The following WASF3 variants were observed in gnomAD, a reference collection of about 807,000 sequenced individuals.
The protein encoded by WASF3 is WASP family member 3.
In WASF3, 11 loss-of-function variants were observed where a neutral mutation model predicts 46.6. The observed-to-expected ratio is 0.24, with a 90% confidence interval of 0.15 to 0.39. The LOEUF is 0.39. Among genes scored for constraint, WASF3 ranks in the 10% least tolerant of loss-of-function variants. WASF3 has a pLI of 1.00. For missense variants in WASF3, 576 were observed against 669.8 expected, an observed-to-expected ratio of 0.86 and a Z score of 1.55; for synonymous variants, 242 against 259.7, an observed-to-expected ratio of 0.93 and a Z score of 0.65.
chr13:26,675,884 G>T (rs1037403340), intron 6 of WASF3, among the ~76,000 whole-genome samples: 2 of 152,122 alleles, frequency 1.3e-5, no homozygotes, highest in Non-Finnish European at 2.9e-5. Flanking sequence ...ATAAAATTTT[G>T]TATAGGAGGC....
intron 1 of WASF3, among the ~76,000 whole-genome samples, chr13:26,600,222 A>G (rs1880604110): frequency 6.6e-6 from 1 of 152,176 alleles, no homozygotes; most frequent in Non-Finnish European, 1.5e-5. Flanking sequence ...TTACAGCAAG[A>G]TTATATTTCA....
intron 1 of WASF3, among the ~76,000 whole-genome samples, chr13:26,601,860 A>G (rs980610150): frequency 6.6e-6 from 1 of 152,246 alleles, no homozygotes. Context: ...TGTCATCTGC[A>G]TACACAAATG....
chr13:26,684,052 G>A (rs1359072136), intron 9 of WASF3, among the ~76,000 whole-genome samples: 1 of 152,232 alleles, frequency 6.6e-6, no homozygotes, highest in East Asian at 1.9e-4. Context: ...CATCAGGGAT[G>A]TCCTTCAGAG....
intron 2 of WASF3, among the ~76,000 whole-genome samples, chr13:26,615,211 A>G (rs1249731483): frequency 6.6e-6 from 1 of 151,966 alleles, no homozygotes; most frequent in South Asian, 2.1e-4. Flanking sequence ...CTTGACCTTC[A>G]TGTTAGAATG....
chr13:26,649,570 AGCC>A (rs2137428415), intron 3 of WASF3, among the ~76,000 whole-genome samples: 1 of 152,318 alleles, frequency 6.6e-6, no homozygotes, highest in African/African-American at 2.4e-5. Flanking sequence ...TGGAACAGAA[AGCC>A]TTGTGGGAAC....
intron 4 of WASF3, among the ~76,000 whole-genome samples, chr13:26,666,364 A>AT (rs1314503871): frequency 2.0e-5 from 3 of 152,146 alleles, no homozygotes; most frequent in Non-Finnish European, 4.4e-5. Flanking sequence ...ATTTTATGAG[A>AT]TTTTATAGTA....
At chr13:26,600,519 G>A (rs1051789105) in intron 1 of WASF3, among the ~76,000 whole-genome samples, 1 of 152,068 alleles carries the variant, frequency 6.6e-6, no homozygotes, top group Admixed American at 6.5e-5. Flanking sequence ...TTCCTTTCTG[G>A]TTGCTCTCAT....
intron 2 of WASF3, among the ~76,000 whole-genome samples, chr13:26,632,237 C>CTTG (rs1881672872): frequency 6.6e-6 from 1 of 152,148 alleles, no homozygotes; most frequent in South Asian, 2.1e-4. Context: ...AGAGGGCATC[C>CTTG]TTGTCTTGTG....
chr13:26,589,563 T>G (rs541533810), intron 1 of WASF3, among the ~76,000 whole-genome samples: 1 of 152,338 alleles, frequency 6.6e-6, no homozygotes, highest in South Asian at 2.1e-4. Context: ...TCTTGCTGTT[T>G]TGGCTTTAGT....
At chr13:26,663,342 A>G (rs565814963) in intron 3 of WASF3, among the ~76,000 whole-genome samples, 11 of 152,250 alleles carry the variant, frequency 7.2e-5, no homozygotes, top group Non-Finnish European at 1.5e-4. Flanking sequence ...TCATAAAGCA[A>G]TAAACGAGCA....
intron 2 of WASF3, among the ~76,000 whole-genome samples, chr13:26,631,933 A>G (rs968586529): frequency 3.3e-5 from 5 of 152,178 alleles, no homozygotes; most frequent in Non-Finnish European, 7.3e-5. Context: ...TCTTTGTAGC[A>G]ATTGTGAATG....
At position 26,567,473 on chromosome 13, in the gene WASF3, T is replaced by C. The variant is rs77571506; in HGVS notation, c.-109+9654T>C. On this transcript the variant is annotated intron_variant, in intron 1 of 9. Coordinates refer to ENST00000335327, the MANE Select transcript of WASF3 (RefSeq NM_006646.6). ...TTTTGCAAGGAAAATTGTATTGGAA[T>C]ACAGACGTGTTTGTTCTTTTATTTG... Among the ~76,000 whole-genome samples the C allele has an allele frequency of 5.6e-3, 860 of 152,316 alleles. 10 individuals carry two copies. The highest frequency in any genetic ancestry group is 0.02 in the African/African-American group (820 of 41,572).
intron 1 of WASF3, among the ~76,000 whole-genome samples, chr13:26,565,928 C>T (rs2137145521): frequency 1.3e-5 from 2 of 152,138 alleles, no homozygotes; most frequent in South Asian, 4.2e-4. Context: ...GTTCCCACCC[C>T]TCAAAAAAAA....
intron 2 of WASF3, among the ~76,000 whole-genome samples, chr13:26,615,543 G>GT (rs1420988355): frequency 2.6e-5 from 4 of 152,114 alleles, no homozygotes; most frequent in African/African-American, 9.7e-5. Context: ...TCCTGACCTT[G>GT]TGATCCCCCT....
At position 26,674,880 on chromosome 13, in the gene WASF3, G is replaced by A. The variant is rs77490133; in HGVS notation, c.541-1669G>A. On this transcript the variant is annotated intron_variant, in intron 6 of 9. Transcript: ENST00000335327. ...AAGAACTAGTTTATGTTCTTACCAG[G>A]CCTTCTCCAGTCCTGGATATTACTT... Among the ~76,000 whole-genome samples the A allele has an allele frequency of 5.3e-3, 814 of 152,288 alleles. 11 individuals are homozygous for A. The highest frequency in any genetic ancestry group is 0.019 in the African/African-American group (778 of 41,558).
chr13:26,617,456 A>G (rs1399904760), intron 2 of WASF3, among the ~76,000 whole-genome samples: 1 of 152,108 alleles, frequency 6.6e-6, no homozygotes, highest in Non-Finnish European at 1.5e-5. Flanking sequence ...TTGAATATTT[A>G]TCTTACAAAA....
intron 1 of WASF3, among the ~76,000 whole-genome samples, chr13:26,588,035 C>G (rs1298744529): frequency 6.6e-6 from 1 of 152,096 alleles, no homozygotes; most frequent in African/African-American, 2.4e-5. Context: ...GAATAATATT[C>G]TGAAGTAGAG....
intron 1 of WASF3, among the ~76,000 whole-genome samples, chr13:26,586,917 C>T (rs569602638): frequency 2.0e-5 from 3 of 151,978 alleles, no homozygotes; most frequent in Admixed American, 1.3e-4. Flanking sequence ...GTCTGGTCAA[C>T]ATGGCGAAAC....
chr13:26,684,032 G>A (rs927060180), intron 9 of WASF3, among the ~76,000 whole-genome samples: 6 of 152,182 alleles, frequency 3.9e-5, no homozygotes, highest in Admixed American at 2.6e-4. Context: ...GCTGCAGCCC[G>A]CCAGCTCAGC....
Sources: allele counts gnomAD v4.1 joint callset (sites outside exome capture counted in the v4.1 genomes callset), GRCh38; gene constraint gnomAD v4.1.1; transcripts MANE v1.5; gene names NCBI Gene and HGNC (gene_info 2026-07-23, HGNC 2026-07-21).